GATAD2A: variants seen among roughly 807,000 people sequenced by gnomAD.
GATAD2A encodes the protein GATA zinc finger domain containing 2A.
In GATAD2A, 12 loss-of-function variants were observed where a neutral mutation model predicts 68.5. That is an observed-to-expected ratio of 0.18 (90% CI 0.11 to 0.28). The LOEUF (loss-of-function observed/expected upper bound fraction) is 0.28, where lower values mean the gene tolerates loss of function less well. Ranked by LOEUF, GATAD2A falls within the 10% of genes least tolerant of loss-of-function variation. The pLI is 1.00. For synonymous variants in GATAD2A, 410 were observed against 375.3 expected, an observed-to-expected ratio of 1.09 and a Z score of -1.07; for missense variants, 755 against 868.5, an observed-to-expected ratio of 0.87 and a Z score of 1.64.
chr19:19,401,020 G>A (rs894719990), upstream of GATAD2A, among the ~76,000 whole-genome samples: 12 of 151,566 alleles, frequency 7.9e-5, no homozygotes, highest in African/African-American at 2.9e-4. Flanking sequence ...CGCACCTGTC[G>A]TGTCAGCTAG....
chr19:19,471,092 C>T (rs1243419805), intron 2 of GATAD2A, among the ~76,000 whole-genome samples: 2 of 152,194 alleles, frequency 1.3e-5, no homozygotes, highest in South Asian at 2.1e-4. Flanking sequence ...CCCGTCTCCA[C>T]TAAAAATACA....
At chr19:19,420,197 T>A (rs1222138703) in intron 1 of GATAD2A, among the ~76,000 whole-genome samples, 2 of 146,608 alleles carry the variant, frequency 1.4e-5, no homozygotes, top group East Asian at 4.0e-4. Flanking sequence ...TTTTTTTTTT[T>A]TTTTAAGTAG....
rs1183022651 is a variant in GATAD2A, at chr19:19,502,519, C to T, written c.1767C>T (p.Leu589=). Residue 589 remains leucine (L), a synonymous_variant, in exon 11 of 12, where the codon CTC becomes CTT. Transcript: ENST00000683918. ...SATSNWKKTP[L]STGGTLAFVS... ...CCTCCAACTGGAAGAAGACGCCCCT[C>T]AGCACAGGTGGGTGACCTCCACAGG... The T allele has an allele frequency of 3.7e-6, 6 of 1,609,822 alleles. No individual in the cohort carries two copies. The highest frequency in any genetic ancestry group is 1.1e-5 in the South Asian group (1 of 90,632).
At chr19:19,434,004 C>T (rs983714704) in intron 1 of GATAD2A, among the ~76,000 whole-genome samples, 1 of 152,208 alleles carries the variant, frequency 6.6e-6, no homozygotes, top group African/African-American at 2.4e-5. Flanking sequence ...AACTCCTGAG[C>T]TCAATTGATC....
intron 1 of GATAD2A, among the ~76,000 whole-genome samples, chr19:19,433,830 A>G (rs2054018899): frequency 6.6e-6 from 1 of 152,200 alleles, no homozygotes. Flanking sequence ...GCAGGAATGC[A>G]GTGGCACAGT....
intron 2 of GATAD2A, among the ~76,000 whole-genome samples, chr19:19,475,972 G>T (rs886455796): frequency 6.6e-6 from 1 of 152,304 alleles, no homozygotes; most frequent in African/African-American, 2.4e-5. Context: ...GAGCCGGCCC[G>T]GTGCCAGGTA....
At chr19:19,469,492 A>G (rs2058114429) in intron 2 of GATAD2A, among the ~76,000 whole-genome samples, 1 of 152,120 alleles carries the variant, frequency 6.6e-6, no homozygotes, top group African/African-American at 2.4e-5. Flanking sequence ...ATTTAACACG[A>G]AAGAAGGCAG....
At chr19:19,395,588 G>T (rs941685545) in intron 1 of GATAD2A, among the ~76,000 whole-genome samples, 1 of 152,172 alleles carries the variant, frequency 6.6e-6, no homozygotes, top group African/African-American at 2.4e-5. Context: ...AAACTCAGAG[G>T]CCTATCTGGC....
At chr19:19,460,828 C>T (rs916623231) in intron 1 of GATAD2A, among the ~76,000 whole-genome samples, 3 of 152,198 alleles carry the variant, frequency 2.0e-5, no homozygotes, top group Non-Finnish European at 2.9e-5. Context: ...TCCTTTAGAG[C>T]AAGCCAGATT....
intron 1 of GATAD2A, among the ~76,000 whole-genome samples, chr19:19,417,357 C>G (rs1378413255): frequency 6.6e-6 from 1 of 152,168 alleles, no homozygotes; most frequent in East Asian, 1.9e-4. Context: ...AGAATTCTTA[C>G]TACATGGCAG....
intron 1 of GATAD2A, among the ~76,000 whole-genome samples, chr19:19,423,965 C>T (rs910398842): frequency 6.6e-6 from 1 of 152,128 alleles, no homozygotes; most frequent in Non-Finnish European, 1.5e-5. Flanking sequence ...CTCTGTCATC[C>T]TGGCTGGAGT....
chr19:19,483,251 CT>C (rs987999724), intron 2 of GATAD2A, among the ~76,000 whole-genome samples: 14 of 152,190 alleles, frequency 9.2e-5, no homozygotes, highest in Non-Finnish European at 1.6e-4. Context: ...TTCCTGAGCT[CT>C]TTAGCCAGCA....
At chr19:19,390,805 A>G (rs986662648) in intron 1 of GATAD2A, among the ~76,000 whole-genome samples, 6 of 152,182 alleles carry the variant, frequency 3.9e-5, no homozygotes, top group Non-Finnish European at 7.3e-5. Context: ...CTGTTCTTAC[A>G]CTTTAGAACC....
At chr19:19,459,611 T>C (rs1396077276) in intron 1 of GATAD2A, among the ~76,000 whole-genome samples, 1 of 152,234 alleles carries the variant, frequency 6.6e-6, no homozygotes, top group Non-Finnish European at 1.5e-5. Flanking sequence ...CTATCTAGCA[T>C]GTGGCACAGA....
rs555610665 is a variant in GATAD2A, at chr19:19,482,358, C to T, written c.270-9948C>T. On this transcript the variant is annotated intron_variant, in intron 2 of 11. Transcript: ENST00000683918. ...GGCAGAGTTTGCAGTGAGCCAAGAT[C>T]GCGCCACTGCACTCCATCCTGGGCA... Among the ~76,000 whole-genome samples the T allele has an allele frequency of 3.4e-3, 519 of 152,250 alleles. 3 individuals carry two copies. Among genetic ancestry groups the T allele is most frequent in the African/African-American group, 0.012 (494 of 41,550 alleles).
intron 10 of GATAD2A, 30 bp from the exon 11 acceptor site, chr19:19,502,301 T>C (rs1169699427): frequency 1.3e-6 from 2 of 1,546,380 alleles, no homozygotes; most frequent in Non-Finnish European, 1.8e-6. Flanking sequence ...TTTCCCTGCA[T>C]GAGCCGTCAC....
At chr19:19,448,329 T>C (rs985295498) in intron 1 of GATAD2A, among the ~76,000 whole-genome samples, 1 of 152,364 alleles carries the variant, frequency 6.6e-6, no homozygotes, top group South Asian at 2.1e-4. Flanking sequence ...GGGTTGGGCT[T>C]GGGCACAGGC....
At chr19:19,423,233 C>G (rs2147295149) in intron 1 of GATAD2A, among the ~76,000 whole-genome samples, 1 of 152,312 alleles carries the variant, frequency 6.6e-6, no homozygotes, top group South Asian at 2.1e-4. Flanking sequence ...TCTCAAACGC[C>G]TGGGCTCAAA....
intron 1 of GATAD2A, chr19:19,457,114 C>G: frequency 2.0e-6 from 2 of 985,414 alleles, no homozygotes; most frequent in Middle Eastern, 1.0e-3. Context: ...ACACCTCTGC[C>G]CACGCATCCA....
Sources: allele counts gnomAD v4.1 joint callset (sites outside exome capture counted in the v4.1 genomes callset), GRCh38; gene constraint gnomAD v4.1.1; transcripts MANE v1.5; gene names NCBI Gene and HGNC (gene_info 2026-07-23, HGNC 2026-07-21).